Variants in DRP2 observed in about 807,000 individuals in gnomAD.
The protein encoded by DRP2 is dystrophin-related protein 2.
Under a neutral mutation model 78.2 loss-of-function variants are expected in DRP2, and 29 were observed. That is an observed-to-expected ratio of 0.37 (90% CI 0.28 to 0.51). The LOEUF is 0.51. DRP2 is among the 20% of genes least tolerant of loss of function. The pLI is 0.94. For synonymous variants in DRP2, 290 were observed against 281.9 expected (o/e 1.03, Z -0.29); for missense variants, 686 against 770.6 (o/e 0.89, Z 1.30).
intron 11 of DRP2, 43 bp downstream of exon 11, chrX:101,245,492 C>A: frequency 9.4e-7 from 1 of 1,059,847 alleles, no homozygotes; most frequent in Non-Finnish European, 1.3e-6. Flanking sequence ...ATATACACAG[C>A]TGCCTTTGTC....
intron 12 of DRP2, 31 bp from the exon 13 acceptor site, chrX:101,248,057 AT>A: frequency 4.2e-6 from 5 of 1,184,077 alleles, no homozygotes; most frequent in African/African-American, 1.8e-5. Flanking sequence ...TTTTGGCTAT[AT>A]TTTTTTTCTC....
intron 15 of DRP2, 134 bp from the exon 16 acceptor site, chrX:101,250,767 AGCTCAACTAGCACAGG>A: frequency 1.1e-6 from 1 of 911,592 alleles, no homozygotes; most frequent in East Asian, 3.1e-5. Context: ...GGAGGGTGTC[AGCTCAACTAGCACAGG>A]GCAGAACGTG....
chrX:101,226,197 T>C (rs1434605084), intron 2 of DRP2, among the ~76,000 whole-genome samples: 8 of 112,414 alleles, frequency 7.1e-5, no homozygotes, highest in Non-Finnish European at 1.3e-4. Context: ...TAAGTAGCTG[T>C]ATAGAATTCC....
chrX:101,263,359 G>A lies in DRP2; in HGVS notation c.*2738G>A, dbSNP rs894414340. 22 of 112,515 alleles carry A rather than the reference G, an allele frequency of 2.0e-4. No homozygotes were observed. Among genetic ancestry groups the A allele is most frequent in the Non-Finnish European group, 3.6e-4 (19 of 53,324 alleles). 9.3% of individuals were successfully genotyped at this position (112,515 alleles called of 1,213,427 possible). ...CTACACTGGAAGGATGGTGAAGGGA[G>A]TTGCTAGATTGATAGCCTAAAGAAA... On this transcript the variant is annotated 3_prime_UTR_variant, in exon 24 of 24. Coordinates refer to ENST00000395209, the MANE Select transcript of DRP2 (RefSeq NM_001939.3).
chrX:101,260,698 C>T lies in DRP2; in HGVS notation c.*77C>T. 3 of 1,117,072 alleles carry T rather than the reference C, an allele frequency of 2.7e-6. No individual in the cohort carries two copies. Among genetic ancestry groups the T allele is most frequent in the South Asian group, 4.7e-5 (2 of 42,940 alleles). 92.1% of individuals were successfully genotyped at this position (1,117,072 alleles called of 1,213,427 possible). A position where few individuals can be genotyped will look rare whatever the true frequency, so the allele number is the denominator to read the frequency against. ...AAGCCTTTCCTCAGCCTTCACCCAA[C>T]CTTTCCAGTTTCCACTGGCCCCACA... On this transcript the variant is annotated 3_prime_UTR_variant, in exon 24 of 24. Coordinates refer to ENST00000395209, the MANE Select transcript of DRP2 (RefSeq NM_001939.3).
In DRP2 at chrX:101,254,478, C is replaced by T. The variant is rs190486006; in HGVS notation, c.2031C>T (p.Phe677=). 4 of 1,210,282 alleles carry T rather than the reference C, an allele frequency of 3.3e-6. No homozygotes were observed. The Admixed American group carries it at 8.7e-5, about 26-fold the overall frequency. ...TTGCCACAACCTTAAAGAACAAATT[C>T]CGCTCCAAGCATTATTTCAGCAAAC... The part of the protein sequence containing the change: ...RDFATTLKNK[F]RSKHYFSKHP... Residue 677 remains phenylalanine (F), a synonymous_variant, in exon 18 of 24, where the codon TTC becomes TTT. Coordinates refer to ENST00000395209, the MANE Select transcript of DRP2 (RefSeq NM_001939.3).
intron 3 of DRP2, among the ~76,000 whole-genome samples, chrX:101,233,748 T>C (rs1185618680): frequency 2.7e-5 from 3 of 111,679 alleles, no homozygotes; most frequent in African/African-American, 9.8e-5. Context: ...CCACCCAGGG[T>C]AGCACAGGCA....
intron 9 of DRP2, among the ~76,000 whole-genome samples, chrX:101,244,110 T>C (rs775989819): frequency 1.8e-5 from 2 of 110,912 alleles, no homozygotes; most frequent in South Asian, 3.9e-4. Flanking sequence ...ATCGGCAGGG[T>C]TTGAGCCAAG....
chrX:101,254,740 G>A, intron 18 of DRP2, 119 bp from the exon 19 acceptor site: 1 of 1,079,819 alleles, frequency 9.3e-7, no homozygotes, highest in Non-Finnish European at 1.3e-6. Context: ...CTGGAATCCA[G>A]TCTTTGTATT....
At chrX:101,239,229 G>A in intron 6 of DRP2, 128 bp downstream of exon 6, 1 of 917,595 alleles carries the variant, frequency 1.1e-6, no homozygotes, top group Non-Finnish European at 1.5e-6. Context: ...TCCCCCAGGA[G>A]TCCATCCAAA....
intron 2 of DRP2, 31 bp from the exon 3 acceptor site, chrX:101,231,554 G>T: frequency 2.6e-6 from 2 of 780,307 alleles, no homozygotes; most frequent in South Asian, 4.1e-5. Context: ...TCTAGGTCTT[G>T]ACTCGAAATC....
chrX:101,224,189 TTG>T lies in DRP2; in HGVS notation c.-166-413_-166-412del, dbSNP rs760998808. ...ATAATAAATGTTTGCTGGGTTTTTT[TTG>T]TTTTTTTTTTTTTTTTTTTTTTTTT... On this transcript the variant is annotated intron_variant, in intron 1 of 23. Coordinates refer to ENST00000395209, the MANE Select transcript of DRP2 (RefSeq NM_001939.3). 8.9e-4 allele frequency among the ~76,000 whole-genome samples: 62 copies of T among 69,640 alleles called. 5 individuals carry two copies. The highest frequency in any genetic ancestry group is 1.1e-3 in the East Asian group (3 of 2,720). 60.5% of individuals were successfully genotyped at this position (69,640 alleles called of 115,157 possible). A position where few individuals can be genotyped will look rare whatever the true frequency, so the allele number is the denominator to read the frequency against.
At chrX:101,260,395 C>A in intron 23 of DRP2, 102 bp from the exon 24 acceptor site, 1 of 1,069,090 alleles carries the variant, frequency 9.4e-7, no homozygotes, top group African/African-American at 1.9e-5. Context: ...GATGCAAATG[C>A]TGCGGGCAGG....
chrX:101,239,813 G>A (rs745403811), intron 6 of DRP2, among the ~76,000 whole-genome samples: 16 of 111,641 alleles, frequency 1.4e-4, no homozygotes, highest in Admixed American at 3.8e-4. Flanking sequence ...TCCTGACCTC[G>A]TGATCCACCC....
rs1006578830 is a variant in DRP2 at position 101,222,053 on chromosome X, T to C, written c.-167+1907T>C. ...ATAGATTCTGTTTTAAAATAAGTGT[T>C]GGGGGTGTGTGTGTGTGTGCATGCA... On this transcript the variant is annotated intron_variant, in intron 1 of 23. Coordinates refer to ENST00000395209, the MANE Select transcript of DRP2 (RefSeq NM_001939.3). Among the ~76,000 whole-genome samples, 11 of 111,647 alleles carry C rather than the reference T, an allele frequency of 9.9e-5. No homozygotes were observed. The South Asian group carries it at 1.1e-3, about 11-fold the overall frequency.
At chrX:101,251,138 TAACTCAGATA>T in intron 16 of DRP2, 55 bp downstream of exon 16, 1 of 1,068,551 alleles carries the variant, frequency 9.4e-7, no homozygotes, top group Non-Finnish European at 1.3e-6. Context: ...ATGTGACATA[TAACTCAGATA>T]TTAAAAAATA....
At position 101,242,530 on chromosome X, in the gene DRP2, G is replaced by A. The variant is rs753593931; in HGVS notation, c.975+59G>A. The A allele has an allele frequency of 5.0e-5, 58 of 1,153,743 alleles. No homozygotes were observed. In the African/African-American group the frequency reaches 8.7e-4, roughly 17 times the overall value. ...GTGCCTCCATATAACTAGGCTTGGG[G>A]GAAACTTCTTCAGGGGTATGGAAAT... On this transcript the variant is annotated intron_variant, in intron 8 of 23. Coordinates refer to ENST00000395209, the MANE Select transcript of DRP2 (RefSeq NM_001939.3).
rs1187466918 is a variant in DRP2, at chrX:101,253,655, C to T, written c.1978-770C>T. ...CTGCCTCTGAGGTTCAAGCGATTCT[C>T]CTGCCTCAGCCTCCCAAGTAGCTAG... On this transcript the variant is annotated intron_variant, in intron 17 of 23. Transcript: ENST00000395209. Among the ~76,000 whole-genome samples the T allele has an allele frequency of 2.9e-5, 3 of 103,531 alleles. No homozygotes were observed. The South Asian group carries it at 1.4e-3, about 48-fold the overall frequency. 89.9% of individuals were successfully genotyped at this position (103,531 alleles called of 115,157 possible). A position where few individuals can be genotyped will look rare whatever the true frequency, so the allele number is the denominator to read the frequency against.
rs149850977 is a variant in DRP2 at position 101,241,672 on chromosome X, C to T, written c.564C>T (p.Thr188=). 349 of 1,208,600 alleles carry T rather than the reference C, an allele frequency of 2.9e-4. No homozygotes were observed. Among genetic ancestry groups the T allele is most frequent in the Non-Finnish European group, 3.5e-4 (312 of 894,295 alleles). The change falls in exon 7 of 24, where the codon ACC becomes ACT. Residue 188 remains threonine, a synonymous_variant. Transcript: ENST00000395209. ...LEEPHSESKD[T]SPKQRIQNLS... The stretch of plus-strand genomic sequence containing the variant: ...GCTTCCTGCCTCCTCTTGCAGATAC[C>T]TCCCCGAAACAGCGGATCCAGAATC...
Sources: allele counts gnomAD v4.1 joint callset (sites outside exome capture counted in the v4.1 genomes callset), GRCh38; gene constraint gnomAD v4.1.1; transcripts MANE v1.5; gene names NCBI Gene and HGNC (gene_info 2026-07-23, HGNC 2026-07-21).